Variants in GALNT17 observed in about 807,000 individuals in gnomAD.
GALNT17 encodes the protein UDP-GalNAc:polypeptide N-acetylgalactosaminyltransferase-like 3.
GALNT17 carries 29 observed loss-of-function variants against 63.7 expected under a neutral mutation model. The observed-to-expected ratio is 0.46, with a 90% CI of 0.34 to 0.62. The LOEUF (loss-of-function observed/expected upper bound fraction) is 0.62, where lower values mean the gene tolerates loss of function less well. Among genes scored for constraint, GALNT17 ranks in the 20% least tolerant of loss-of-function variants. The probability of loss-of-function intolerance (pLI) is 0.01; values close to 1 mark genes in which losing one functional copy is unlikely to be tolerated. For missense variants in GALNT17, 603 were observed against 799.6 expected, an observed-to-expected ratio of 0.75 and a Z score of 2.97; for synonymous variants, 305 against 318.3, an observed-to-expected ratio of 0.96 and a Z score of 0.45.
At chr7:71,407,041 CT>C (rs1399777740) in intron 3 of GALNT17, among the ~76,000 whole-genome samples, 2 of 152,176 alleles carry the variant, frequency 1.3e-5, no homozygotes, top group Non-Finnish European at 2.9e-5. Context: ...TCACTGTGAT[CT>C]CTGTCATAAA....
At position 71,345,602 on chromosome 7, in the gene GALNT17, G is replaced by T. The variant is rs545819728; in HGVS notation, c.422+9869G>T. Among the ~76,000 whole-genome samples, 6 of 152,254 alleles carry T rather than the reference G, an allele frequency of 3.9e-5. No homozygotes were observed. In the East Asian group the frequency reaches 7.7e-4, roughly 20 times the overall value. The stretch of plus-strand genomic sequence containing the variant: ...GGTCTGGAGGTCAGGAATGATGTCT[G>T]GGCTGACCATGGGTATTTGAGAATC... On this transcript the variant is annotated intron_variant, in intron 2 of 10. Coordinates refer to ENST00000333538, the MANE Select transcript of GALNT17 (RefSeq NM_022479.3).
intron 1 of GALNT17, among the ~76,000 whole-genome samples, chr7:71,148,775 T>C (rs1375459506): frequency 1.3e-5 from 2 of 150,498 alleles, no homozygotes; most frequent in African/African-American, 2.4e-5. Context: ...AGCGTACTTT[T>C]TCCCCCTCAG....
rs1791088405 is a variant in GALNT17, at chr7:71,296,762, TGTAA to T, written c.239-38783_239-38780del. Among the ~76,000 whole-genome samples the T allele has an allele frequency of 2.6e-5, 4 of 152,114 alleles. No individual in the cohort carries two copies. In the South Asian group the frequency reaches 8.3e-4, roughly 32 times the overall value. On this transcript the variant is annotated intron_variant, in intron 1 of 10. Coordinates refer to ENST00000333538, the MANE Select transcript of GALNT17 (RefSeq NM_022479.3). The stretch of plus-strand genomic sequence containing the variant: ...ATATGTATGTAAATAAAATATATCC[TGTAA>T]GTAAAGTATGATATTTAATATAGCA...
intron 8 of GALNT17, among the ~76,000 whole-genome samples, chr7:71,675,655 C>T (rs1276073102): frequency 6.6e-6 from 1 of 151,606 alleles, no homozygotes; most frequent in African/African-American, 2.4e-5. Context: ...AAAATCTGCT[C>T]GAGTTGTCTG....
chr7:71,598,313 C>T (rs905124376), intron 6 of GALNT17, among the ~76,000 whole-genome samples: 9 of 152,138 alleles, frequency 5.9e-5, no homozygotes, highest in Admixed American at 3.9e-4. Context: ...AACTCATATT[C>T]TAGAAGAGAT....
chr7:71,265,118 A>ATATATTTTT (rs1390488895), intron 1 of GALNT17, among the ~76,000 whole-genome samples: 7 of 37,462 alleles, frequency 1.9e-4, no homozygotes, highest in East Asian at 1.1e-3. Context: ...ATATATATAT[A>ATATATTTTT]TTTTTTTTTT....
intron 5 of GALNT17, among the ~76,000 whole-genome samples, chr7:71,426,796 T>C (rs1786768177): frequency 6.6e-6 from 1 of 151,904 alleles, no homozygotes; most frequent in African/African-American, 2.4e-5. Context: ...GATGCACACC[T>C]GTAATCCCAG....
At chr7:71,652,477 A>C (rs1790767603) in intron 6 of GALNT17, among the ~76,000 whole-genome samples, 1 of 152,172 alleles carries the variant, frequency 6.6e-6, no homozygotes, top group Non-Finnish European at 1.5e-5. Flanking sequence ...ACGCTGAGGA[A>C]AATTCTCCCT....
intron 1 of GALNT17, among the ~76,000 whole-genome samples, chr7:71,197,192 C>CT (rs34276195): frequency 0.041 from 2,883 of 69,838 alleles, 281 homozygotes; most frequent in African/African-American, 0.044. Flanking sequence ...CCCTGTTGTG[C>CT]TTTTTTTTTT....
chr7:71,209,684 C>T (rs928603980), intron 1 of GALNT17, among the ~76,000 whole-genome samples: 1 of 151,700 alleles, frequency 6.6e-6, no homozygotes, highest in Non-Finnish European at 1.5e-5. Context: ...TTTGTAGAGT[C>T]AGCGTTTTGC....
intron 1 of GALNT17, among the ~76,000 whole-genome samples, chr7:71,228,340 C>T (rs2116438332): frequency 6.6e-6 from 1 of 152,310 alleles, no homozygotes; most frequent in Non-Finnish European, 1.5e-5. Flanking sequence ...CAACCGTCCA[C>T]CTCCACTCAG....
At chr7:71,213,844 C>A (rs1789426315) in intron 1 of GALNT17, among the ~76,000 whole-genome samples, 1 of 152,026 alleles carries the variant, frequency 6.6e-6, no homozygotes, top group Non-Finnish European at 1.5e-5. Context: ...TCTTTTTTGT[C>A]CCCCTTATTG....
intron 5 of GALNT17, among the ~76,000 whole-genome samples, chr7:71,536,983 G>A (rs144666947): frequency 9.2e-5 from 14 of 152,184 alleles, no homozygotes; most frequent in South Asian, 2.1e-4. Context: ...CATACCATGC[G>A]CATTCAAACC....
At chr7:71,583,316 G>C (rs796324721) in intron 6 of GALNT17, among the ~76,000 whole-genome samples, 1 of 152,094 alleles carries the variant, frequency 6.6e-6, no homozygotes, top group Non-Finnish European at 1.5e-5. Context: ...GGATGGTCTC[G>C]ATCTCCTGAC....
intron 1 of GALNT17, among the ~76,000 whole-genome samples, chr7:71,241,137 T>C (rs1475113194): frequency 6.6e-6 from 1 of 152,204 alleles, no homozygotes; most frequent in Non-Finnish European, 1.5e-5. Flanking sequence ...TGTTTTGCCA[T>C]CATACTTGGA....
chr7:71,669,530 C>A (rs912455252), intron 7 of GALNT17, among the ~76,000 whole-genome samples: 42 of 151,504 alleles, frequency 2.8e-4, no homozygotes, highest in African/African-American at 9.9e-4. Context: ...AAACAAACAC[C>A]CTTCTGAATA....
intron 9 of GALNT17, among the ~76,000 whole-genome samples, chr7:71,705,998 C>T (rs1791718026): frequency 6.6e-6 from 1 of 152,022 alleles, no homozygotes; most frequent in Admixed American, 6.5e-5. Context: ...CTGGGGCAAA[C>T]TTTGGACATT....
intron 1 of GALNT17, among the ~76,000 whole-genome samples, chr7:71,260,120 G>T (rs149345368): frequency 1.6e-4 from 24 of 152,276 alleles, no homozygotes; most frequent in African/African-American, 5.5e-4. Context: ...AATAGAAGTT[G>T]CAGTGAGGCT....
intron 1 of GALNT17, among the ~76,000 whole-genome samples, chr7:71,233,277 G>T (rs2116450243): frequency 6.6e-6 from 1 of 152,182 alleles, no homozygotes; most frequent in Non-Finnish European, 1.5e-5. Context: ...TGTGGCTTTT[G>T]TCCCATGTTC....
Sources: gnomAD v4.1 joint callset for allele counts (sites outside exome capture counted in the v4.1 genomes callset) on GRCh38, gnomAD v4.1.1 for gene constraint, MANE v1.5 for transcripts, NCBI Gene and HGNC (gene_info 2026-07-23, HGNC 2026-07-21) for gene names.